EIF5: variants seen among roughly 807,000 people sequenced by gnomAD.
EIF5 encodes eukaryotic translation initiation factor 5.
A neutral mutation model predicts 48.3 loss-of-function variants in EIF5; 10 were observed. The ratio of observed to expected loss-of-function variants is 0.21; its 90% CI spans 0.13 to 0.35. The LOEUF is 0.35. EIF5 is among the 10% of genes least tolerant of loss of function. The pLI, the probability that EIF5 is intolerant of heterozygous loss-of-function variation, is 1.00. For missense variants in EIF5, 397 were observed against 533.2 expected, an observed-to-expected ratio of 0.74 and a Z score of 2.51; for synonymous variants, 237 against 173.1, an observed-to-expected ratio of 1.37 and a Z score of -2.90.
At position 103,341,124 on chromosome 14, in the gene EIF5, A is replaced by G. The variant is rs2089348361; in HGVS notation, c.*72A>G. On this transcript the variant is annotated 3_prime_UTR_variant, in exon 12 of 12. Transcript: ENST00000216554. Reference sequence around the variant, plus strand: ...CTCCATTATCAGCCAGAAGTGCAACATGTATGTGCAAAAGCTAAAATGGCT... The same window carrying G: ...CTCCATTATCAGCCAGAAGTGCAACGTGTATGTGCAAAAGCTAAAATGGCT... 2.9e-6 allele frequency: 4 copies of G among 1,384,490 alleles called. No individual in the cohort carries two copies. The highest frequency in any genetic ancestry group is 3.4e-5 in the Admixed American group (2 of 58,888). The allele number at this position is 1,384,490 out of a possible 1,614,324, so 85.8% of individuals were successfully genotyped here.
Position 103,339,818 on chromosome 14 carries a change from GGT to G in EIF5, c.1071+17_1071+18del. On this transcript the variant is annotated intron_variant, in intron 10 of 11. Transcript: ENST00000216554. ...GGTCGGAAAAGGTGGGGAATACATA[GGT>G]GGGCTCTTAAAGTTCACAGGTTTTG... The G allele has an allele frequency of 6.2e-7, 1 of 1,609,556 alleles. No homozygotes were observed. Among genetic ancestry groups the G allele is most frequent in the East Asian group, 2.2e-5 (1 of 44,834 alleles).
At chr14:103,337,957 T>C in intron 6 of EIF5, 1 of 534,642 alleles carries the variant, frequency 1.9e-6, no homozygotes, top group Non-Finnish European at 3.7e-6. Flanking sequence ...GACAAGCCGT[T>C]ATATAGACTT....
chr14:103,338,272 C>T lies in EIF5; in HGVS notation c.440-55C>T, dbSNP rs1466653653. On this transcript the variant is annotated intron_variant, in intron 6 of 11. Transcript: ENST00000216554. Reference sequence around the variant, plus strand: ...CAGGGTTTTAAACGTTAATGATGGGCAATGAGGTAATGTAAGTTATGGGGT... The same window carrying T: ...CAGGGTTTTAAACGTTAATGATGGGTAATGAGGTAATGTAAGTTATGGGGT... 5.0e-6 allele frequency: 8 copies of T among 1,586,134 alleles called. No homozygotes were observed. In the African/African-American group the frequency reaches 6.8e-5, roughly 13 times the overall value.
rs775680600 is a variant in EIF5, at chr14:103,339,823, G to A, written c.1071+20G>A. On this transcript the variant is annotated intron_variant, in intron 10 of 11. Transcript: ENST00000216554. ...GAAAAGGTGGGGAATACATAGGTGG[G>A]CTCTTAAAGTTCACAGGTTTTGGGG... 2.5e-6 allele frequency: 4 copies of A among 1,605,956 alleles called. No homozygotes were observed. Among genetic ancestry groups the A allele is most frequent in the Non-Finnish European group, 2.5e-6 (3 of 1,176,778 alleles).
intron 2 of EIF5, chr14:103,334,999 G>T (rs1418356909): frequency 1.3e-5 from 2 of 152,244 alleles, no homozygotes; most frequent in Non-Finnish European, 1.5e-5. Context: ...TCGCGGAGCT[G>T]CCCGGTTCGC....
At position 103,343,113 on chromosome 14, in the gene EIF5, T is replaced by C. The variant is rs1397435319; in HGVS notation, c.*2061T>C. On this transcript the variant is annotated 3_prime_UTR_variant, in exon 12 of 12. Coordinates refer to ENST00000216554, the MANE Select transcript of EIF5 (RefSeq NM_001969.5). ...AATTCTTCACTTTGCTCTATTGAACTGTCTTAAGGATTTGTTTAAACAGCT... is the reference window on the plus strand; with the variant it reads ...AATTCTTCACTTTGCTCTATTGAACCGTCTTAAGGATTTGTTTAAACAGCT... 2 of 152,600 alleles carry C rather than the reference T, an allele frequency of 1.3e-5. No homozygotes were observed. The highest frequency in any genetic ancestry group is 2.9e-5 in the Non-Finnish European group (2 of 68,002). 9.5% of individuals were successfully genotyped at this position (152,600 alleles called of 1,614,324 possible). A position where few individuals can be genotyped will look rare whatever the true frequency, so the allele number is the denominator to read the frequency against.
intron 2 of EIF5, chr14:103,335,223 G>A (rs1011443545): frequency 6.9e-6 from 1 of 144,000 alleles, no homozygotes; most frequent in Admixed American, 7.2e-5. Flanking sequence ...TAGTTGTAGA[G>A]AACAGTTCCC....
intron 2 of EIF5, chr14:103,334,833 A>G (rs1268981505): frequency 2.0e-5 from 3 of 151,438 alleles, no homozygotes; most frequent in Admixed American, 6.6e-5. Flanking sequence ...CAGCTGCTGC[A>G]TTTGTGAGTC....
At position 103,336,783 on chromosome 14, in the gene EIF5, C is replaced by T. The variant is rs2089291900; in HGVS notation, c.261C>T (p.Asp87=). 1.9e-6 allele frequency: 3 copies of T among 1,614,096 alleles called. No individual in the cohort carries two copies. The highest frequency in any genetic ancestry group is 1.7e-6 in the Non-Finnish European group (2 of 1,180,028). ...NGSHEANKLQ[D]MLDGFIKKFV... is the part of the protein sequence containing the mutation. ...CTCATGAGGCGAATAAGCTGCAAGA[C>T]ATGTTGGATGGATTCATTAAAAAAT... The change falls in exon 5 of 12, where the codon GAC becomes GAT. Residue 87 remains aspartate (D), a synonymous_variant. Coordinates refer to ENST00000216554, the MANE Select transcript of EIF5 (RefSeq NM_001969.5).
chr14:103,339,499 T>C (rs961192955), intron 9 of EIF5, 140 bp from the exon 10 acceptor site: 1 of 1,429,452 alleles, frequency 7.0e-7, no homozygotes, highest in African/African-American at 1.4e-5. Flanking sequence ...CCTTACAAAG[T>C]AACAGGGATG....
At position 103,335,477 on chromosome 14, in the gene EIF5, T is replaced by C. The variant is rs183777027; in HGVS notation, c.-208-176T>C. 2.0e-5 allele frequency: 4 copies of C among 197,096 alleles called. No homozygotes were observed. In the East Asian group the frequency reaches 5.1e-4, roughly 25 times the overall value. The allele number at this position is 197,096 out of a possible 1,614,324, so 12.2% of individuals were successfully genotyped here. On this transcript the variant is annotated intron_variant, in intron 2 of 11. Coordinates refer to ENST00000216554, the MANE Select transcript of EIF5 (RefSeq NM_001969.5). ...CTTAGTCGAAATGGAGGCCTTTTTA[T>C]GTTCCCGCAGATTGTACTGTGTTAC...
chr14:103,337,706 C>T, intron 6 of EIF5: 1 of 383,178 alleles, frequency 2.6e-6, no homozygotes, highest in Admixed American at 3.3e-5. Context: ...AAATAGGCTG[C>T]CAATTAAACT....
In EIF5 at chr14:103,342,715, T is replaced by A. The variant is rs770917914; in HGVS notation, c.*1663T>A. ...GTCTCCAGCTGCCTTTGATCAAGAT[T>A]CGGGTGCAAGTGGAGCAGGAGCCAT... is the stretch of plus-strand genomic sequence containing the variant. On this transcript the variant is annotated 3_prime_UTR_variant, in exon 12 of 12. Coordinates refer to ENST00000216554, the MANE Select transcript of EIF5 (RefSeq NM_001969.5). 3 of 152,654 alleles carry A rather than the reference T, an allele frequency of 2.0e-5. No homozygotes were observed. Among genetic ancestry groups the A allele is most frequent in the Non-Finnish European group, 4.4e-5 (3 of 68,044 alleles). The allele number at this position is 152,654 out of a possible 1,614,324, so 9.5% of individuals were successfully genotyped here. A position where few individuals can be genotyped will look rare whatever the true frequency, so the allele number is the denominator to read the frequency against.
chr14:103,336,762 T>G lies in EIF5; in HGVS notation c.240T>G (p.His80Gln). The change falls in exon 5 of 12, where the codon CAT becomes CAG. Residue 80 changes from histidine to glutamine, a missense_variant. His to Gln is a conservative substitution (Grantham distance 24, BLOSUM62 0). Transcript: ENST00000216554. The stretch of plus-strand genomic sequence containing the variant: ...ACCGTTACATTGTCAATGGATCTCA[T>G]GAGGCGAATAAGCTGCAAGACATGT... ...KNDRYIVNGS[H>Q]EANKLQDMLD... The G allele has an allele frequency of 6.2e-7, 1 of 1,614,162 alleles. No individual in the cohort carries two copies. Among genetic ancestry groups the G allele is most frequent in the Non-Finnish European group, 8.5e-7 (1 of 1,180,034 alleles).
chr14:103,343,860 A>G lies in EIF5; in HGVS notation c.*2808A>G, dbSNP rs762546544. ...TTAAATTTATTTGACAAGTCTGCAG[A>G]CAATCCTTATCTAACCAGCTATTTT... is the stretch of plus-strand genomic sequence containing the variant. On this transcript the variant is annotated 3_prime_UTR_variant, in exon 12 of 12. Transcript: ENST00000216554. 6.6e-6 allele frequency: 1 copy of G among 152,230 alleles called. No individual in the cohort carries two copies. Among genetic ancestry groups the G allele is most frequent in the Non-Finnish European group, 1.5e-5 (1 of 68,042 alleles). 9.4% of individuals were successfully genotyped at this position (152,230 alleles called of 1,614,324 possible).
Position 103,336,687 on chromosome 14 carries a change from A to G in EIF5, c.165A>G (p.Lys55=). Residue 55 remains lysine, a synonymous_variant, in exon 5 of 12, where the codon AAA becomes AAG. Transcript: ENST00000216554. ...TTTTCATTCAAATAGATCCCACCAA[A>G]TATTTTGGTTGTGAGCTGGGAGCAC... ...ALNRPPTYPT[K]YFGCELGAQT... 1 of 1,608,174 alleles carries G rather than the reference A, an allele frequency of 6.2e-7. No homozygotes were observed.
intron 2 of EIF5, 188 bp downstream of exon 2, chr14:103,334,785 G>A (rs1323187433): frequency 6.7e-6 from 1 of 148,368 alleles, no homozygotes; most frequent in Non-Finnish European, 1.5e-5. Context: ...TGGCGGGAGC[G>A]CGTCGCGCGT....
At position 103,338,132 on chromosome 14, in the gene EIF5, C is replaced by T. The variant is rs184067682; in HGVS notation, c.440-195C>T. ...CCCTAATATTTTGTGTCACTCCATT[C>T]TTAGACTAACATTCTTACGTATGAA... On this transcript the variant is annotated intron_variant, in intron 6 of 11. Coordinates refer to ENST00000216554, the MANE Select transcript of EIF5 (RefSeq NM_001969.5). 9.0e-4 allele frequency: 724 copies of T among 803,114 alleles called. 3 individuals are homozygous for T. Among genetic ancestry groups the T allele is most frequent in the Non-Finnish European group, 1.2e-3 (620 of 497,112 alleles). The allele number at this position is 803,114 out of a possible 1,614,324, so 49.7% of individuals were successfully genotyped here. A position where few individuals can be genotyped will look rare whatever the true frequency, so the allele number is the denominator to read the frequency against.
At chr14:103,337,344 C>A in intron 6 of EIF5, 117 bp downstream of exon 6, 2 of 842,066 alleles carry the variant, frequency 2.4e-6, no homozygotes, top group South Asian at 3.7e-5. Flanking sequence ...GTGGCTCATG[C>A]TTGTATTCCC....
Sources: gnomAD v4.1 joint callset for allele counts on GRCh38, gnomAD v4.1.1 for gene constraint, MANE v1.5 for transcripts, NCBI Gene and HGNC (gene_info 2026-07-23, HGNC 2026-07-21) for gene names.